Variants in CEP350 observed in about 807,000 individuals in gnomAD.
CEP350 encodes the protein centrosome-associated protein 350.
In CEP350, 126 loss-of-function variants were observed where a neutral mutation model predicts 331.8. That is an observed-to-expected ratio of 0.38 (90% CI 0.33 to 0.44). The LOEUF (loss-of-function observed/expected upper bound fraction) is 0.44, where lower values mean the gene tolerates loss of function less well. Ranked by LOEUF, CEP350 falls within the 20% of genes least tolerant of loss-of-function variation. The pLI is 1.00. For missense variants in CEP350, 3,406 were observed against 3,634.6 expected, an observed-to-expected ratio of 0.94 and a Z score of 1.62; for synonymous variants, 1,200 against 1,259.5, an observed-to-expected ratio of 0.95 and a Z score of 1.00.
chr1:179,977,838 TAAAAC>T (rs1219193879), intron 1 of CEP350, among the ~76,000 whole-genome samples: 2 of 151,886 alleles, frequency 1.3e-5, no homozygotes, highest in Non-Finnish European at 2.9e-5. Flanking sequence ...ATTCTTAGCT[TAAAAC>T]AAATATACAG....
At chr1:179,997,342 C>G (rs753120100) in intron 6 of CEP350, among the ~76,000 whole-genome samples, 167 bp downstream of exon 6, 26 of 152,008 alleles carry the variant, frequency 1.7e-4, no homozygotes, top group Non-Finnish European at 3.1e-4. Flanking sequence ...GAGATCAAGA[C>G]CATCCTGGCT....
At chr1:180,024,392 G>T in intron 13 of CEP350, 27 bp from the exon 14 acceptor site, 2 of 1,578,770 alleles carry the variant, frequency 1.3e-6, no homozygotes, top group Non-Finnish European at 1.7e-6. Context: ...TTTCTTTCTG[G>T]AACTACTATT....
At position 179,992,123 on chromosome 1, in the gene CEP350, A is replaced by G. The variant is rs1393894724; in HGVS notation, c.297A>G (p.Arg99=). The G allele has an allele frequency of 5.1e-6, 8 of 1,554,906 alleles. No individual in the cohort carries two copies. Among genetic ancestry groups the G allele is most frequent in the Non-Finnish European group, 5.2e-6 (6 of 1,152,240 alleles). Residue 99 remains arginine, a synonymous_variant, in exon 5 of 38, where the codon CGA becomes CGG. Coordinates refer to ENST00000367607, the MANE Select transcript of CEP350 (RefSeq NM_014810.5). ...NAPISKSTKS[R]KEKSRSPLRA... ...CAATCTCCAAATCCACTAAATCACG[A>G]AAAGAGAAATCTCGTAGTCCTCTCA...
chr1:180,016,748 G>T (rs1226489574), intron 11 of CEP350, among the ~76,000 whole-genome samples: 2 of 142,882 alleles, frequency 1.4e-5, no homozygotes, highest in Non-Finnish European at 3.0e-5. Flanking sequence ...TGCAACCTCC[G>T]CCTCCCAGAC....
At chr1:180,103,505 G>A (rs867455214) in intron 37 of CEP350, among the ~76,000 whole-genome samples, 3 of 151,930 alleles carry the variant, frequency 2.0e-5, no homozygotes, top group African/African-American at 7.3e-5. Flanking sequence ...CTGACCTCTC[G>A]TTGCTTTTGA....
intron 26 of CEP350, 34 bp downstream of exon 26, chr1:180,062,400 CT>C: frequency 1.3e-6 from 2 of 1,548,396 alleles, no homozygotes; most frequent in South Asian, 1.2e-5. Context: ...TGTTTCCTGT[CT>C]TATTTTGATT....
rs946045880 is a variant in CEP350 at position 180,077,922 on chromosome 1, T to A, written c.5768-541T>A. Among the ~76,000 whole-genome samples, 14 of 151,924 alleles carry A rather than the reference T, an allele frequency of 9.2e-5. 1 individual carries two copies. The highest frequency in any genetic ancestry group is 2.4e-5 in the African/African-American group (1 of 41,394). ...GCCGAGGCGGGTGGATCACCTGAGG[T>A]CAGAGTTGGAGACCAGCCTGGCCGC... is the stretch of plus-strand genomic sequence containing the variant. On this transcript the variant is annotated intron_variant, in intron 28 of 37. Coordinates refer to ENST00000367607, the MANE Select transcript of CEP350 (RefSeq NM_014810.5).
intron 17 of CEP350, among the ~76,000 whole-genome samples, chr1:180,038,639 CTGAT>C (rs1197982313): frequency 1.3e-5 from 2 of 152,122 alleles, no homozygotes; most frequent in Non-Finnish European, 2.9e-5. Flanking sequence ...ACTGATGAGA[CTGAT>C]TGTCTTTTTG....
chr1:180,096,351 G>C (rs542593312), intron 36 of CEP350, among the ~76,000 whole-genome samples, 167 bp downstream of exon 36: 1 of 149,240 alleles, frequency 6.7e-6, no homozygotes, highest in African/African-American at 2.5e-5. Flanking sequence ...CTGAATCCAT[G>C]AACAGTGGAG....
intron 1 of CEP350, among the ~76,000 whole-genome samples, chr1:179,961,106 T>C (rs1021701621): frequency 6.6e-6 from 1 of 152,210 alleles, no homozygotes; most frequent in African/African-American, 2.4e-5. Flanking sequence ...CGTGTATGTG[T>C]ATACATATAA....
At chr1:180,003,415 T>G (rs1654001682) in intron 7 of CEP350, 128 bp downstream of exon 7, 1 of 658,576 alleles carries the variant, frequency 1.5e-6, no homozygotes. Flanking sequence ...CATGCTGAAG[T>G]TGTGGTGGTT....
intron 22 of CEP350, 74 bp downstream of exon 22, chr1:180,048,779 G>A (rs1657290165): frequency 8.2e-7 from 1 of 1,222,878 alleles, no homozygotes; most frequent in African/African-American, 1.5e-5. Context: ...GTTATAAAGT[G>A]GCAAATAAGC....
intron 20 of CEP350, 103 bp downstream of exon 20, chr1:180,043,295 G>T: frequency 7.5e-7 from 1 of 1,340,890 alleles, no homozygotes; most frequent in Non-Finnish European, 9.9e-7. Flanking sequence ...CATTATTCTT[G>T]GTTGAGAATA....
In CEP350 at chr1:180,048,540, A is replaced by G; in HGVS notation, c.4627A>G (p.Ser1543Gly). Residue 1543 changes from serine (S) to glycine (G), a missense_variant, in exon 22 of 38, where the codon AGC (serine) becomes GGC (glycine). Physicochemically the swap from Ser to Gly is moderately conservative, Grantham distance 56. This residue lies in a region of CEP350 where 1,857 missense variants were observed against 1,909.2 expected (regional missense o/e 0.97). Transcript: ENST00000367607. Reference sequence around the variant, plus strand: ...TTTCCATGTATCCATAAAAAGAAGTAGCAGTGGTAGCAGCCGCCAAGAAAG... The same window carrying G: ...TTTCCATGTATCCATAAAAAGAAGTGGCAGTGGTAGCAGCCGCCAAGAAAG... ...SGYKNHDRRS[S>G]SGSSRQESPS... The G allele has an allele frequency of 6.3e-7, 1 of 1,594,416 alleles. No homozygotes were observed. The highest frequency in any genetic ancestry group is 8.6e-7 in the Non-Finnish European group (1 of 1,167,414).
chr1:179,982,219 A>G (rs1387215979), intron 1 of CEP350, among the ~76,000 whole-genome samples: 1 of 152,182 alleles, frequency 6.6e-6, no homozygotes, highest in Admixed American at 6.5e-5. Context: ...CCACCTCTCT[A>G]GCCACTTCAA....
At chr1:180,026,756 A>G (rs1026935219) in intron 14 of CEP350, among the ~76,000 whole-genome samples, 8 of 152,222 alleles carry the variant, frequency 5.3e-5, no homozygotes, top group Non-Finnish European at 1.0e-4. Flanking sequence ...ACTTAGCATA[A>G]TATCTGACTC....
At chr1:180,015,775 A>C in intron 10 of CEP350, 74 bp from the exon 11 acceptor site, 1 of 1,506,400 alleles carries the variant, frequency 6.6e-7, no homozygotes, top group Admixed American at 2.2e-5. Flanking sequence ...AGGTGACTTA[A>C]TGTTTAACTT....
intron 26 of CEP350, among the ~76,000 whole-genome samples, chr1:180,063,394 T>C (rs1365778979): frequency 6.6e-6 from 1 of 151,668 alleles, no homozygotes; most frequent in African/African-American, 2.4e-5. Flanking sequence ...AGTTTCGCCA[T>C]GTTGCTCAGG....
At chr1:179,967,967 G>C (rs1446327276) in intron 1 of CEP350, among the ~76,000 whole-genome samples, 2 of 152,066 alleles carry the variant, frequency 1.3e-5, no homozygotes, top group African/African-American at 4.8e-5. Flanking sequence ...ACTTATCAAT[G>C]GTACTGTCAT....
Sources: allele counts gnomAD v4.1 joint callset (sites outside exome capture counted in the v4.1 genomes callset), GRCh38; gene constraint gnomAD v4.1.1; regional missense constraint gnomAD v4.1.1; transcripts MANE v1.5; gene names NCBI Gene and HGNC (gene_info 2026-07-23, HGNC 2026-07-21).